Variants in LMNB2 observed in about 807,000 individuals in gnomAD.
The protein encoded by LMNB2 is lamin B2.
LMNB2 carries 17 observed loss-of-function variants against 69.3 expected under a neutral mutation model. That is an observed-to-expected ratio of 0.25 (90% CI 0.17 to 0.37). The LOEUF is 0.37. Ranked by LOEUF, LMNB2 falls within the 10% of genes least tolerant of loss-of-function variation. The probability of loss-of-function intolerance (pLI) is 1.00; values close to 1 mark genes in which losing one functional copy is unlikely to be tolerated. For missense variants in LMNB2, 789 were observed against 883.6 expected (o/e 0.89, Z 1.36); for synonymous variants, 397 against 389.3 (o/e 1.02, Z -0.23).
rs80322155 is a variant in LMNB2 at position 2,443,492 on chromosome 19, C to T, written c.401+912G>A. ...TGCTGTCACCCCCGTACCAGGTGGC[C>T]GAGGTGCCACCCCTCCTGCCAGCAG... On this transcript the variant is annotated intron_variant, in intron 2 of 11. Coordinates refer to ENST00000325327, the MANE Select transcript of LMNB2 (RefSeq NM_032737.4). The surrounding 1 kb of genome is among the most constrained non-coding windows in gnomAD (Gnocchi z 6.2). Among the ~76,000 whole-genome samples, 2,030 of 146,760 alleles carry T rather than the reference C, an allele frequency of 0.014. 41 individuals carry two copies. Among genetic ancestry groups the T allele is most frequent in the African/African-American group, 0.042 (1,667 of 39,606 alleles).
At chr19:2,437,572 G>A (rs148992119) in intron 4 of LMNB2, among the ~76,000 whole-genome samples, 258 of 152,314 alleles carry the variant, frequency 1.7e-3, no homozygotes, top group Non-Finnish European at 2.3e-3. Context: ...AGGCCGAGGC[G>A]GATGAAGCAC....
intron 9 of LMNB2, 92 bp downstream of exon 9, chr19:2,432,321 CCCA>C: frequency 2.3e-6 from 2 of 873,472 alleles, no homozygotes; most frequent in African/African-American, 3.3e-5. Context: ...CACCATCATC[CCCA>C]CCCACCCCCG....
At position 2,428,292 on chromosome 19, in the gene LMNB2, A is replaced by G. The variant is rs1431213063; in HGVS notation, c.*2619T>C. The G allele has an allele frequency of 1.3e-5, 2 of 152,254 alleles. No individual in the cohort carries two copies. The highest frequency in any genetic ancestry group is 4.8e-5 in the African/African-American group (2 of 41,460). The allele number at this position is 152,254 out of a possible 1,614,324, so 9.4% of individuals were successfully genotyped here. On this transcript the variant is annotated 3_prime_UTR_variant, in exon 12 of 12. Coordinates refer to ENST00000325327, the MANE Select transcript of LMNB2 (RefSeq NM_032737.4). ...TCTTCTTAAAAACCGAATCTCTGAA[A>G]TGAAAGTCCATGCCAGCCCCAGCTG...
intron 7 of LMNB2, 37 bp from the exon 8 acceptor site, chr19:2,434,142 G>C: frequency 1.3e-6 from 2 of 1,563,636 alleles, no homozygotes; most frequent in Non-Finnish European, 1.7e-6. Flanking sequence ...CTGGTAGTGG[G>C]AGCCCCAGAC....
At chr19:2,431,127 A>AT (rs199935188) in intron 11 of LMNB2, among the ~76,000 whole-genome samples, 175 bp from the exon 12 acceptor site, 7,259 of 152,292 alleles carry the variant, frequency 0.048, 346 homozygotes, top group East Asian at 0.26. Context: ...TGAGCTACAC[A>AT]TTCTGTTCTG....
In LMNB2 at chr19:2,432,382, G is replaced by A. The variant is rs200804214; in HGVS notation, c.1590+34C>T. On this transcript the variant is annotated intron_variant, in intron 9 of 11. Coordinates refer to ENST00000325327, the MANE Select transcript of LMNB2 (RefSeq NM_032737.4). ...CCTGACCCCACCTCACACCCCATCC[G>A]TGGCCACCCTCGCCCTCCTGCCCCA... is the stretch of plus-strand genomic sequence containing the variant. 111 of 959,876 alleles carry A rather than the reference G, an allele frequency of 1.2e-4. No homozygotes were observed. In the African/African-American group the frequency reaches 1.6e-3, roughly 14 times the overall value. The allele number at this position is 959,876 out of a possible 1,614,324, so 59.5% of individuals were successfully genotyped here. A position where few individuals can be genotyped will look rare whatever the true frequency, so the allele number is the denominator to read the frequency against.
intron 1 of LMNB2, among the ~76,000 whole-genome samples, chr19:2,448,491 T>C (rs1411442200): frequency 6.6e-6 from 1 of 152,170 alleles, no homozygotes; most frequent in African/African-American, 2.4e-5. Context: ...AACTCTGCAA[T>C]GGCAGCCACA....
chr19:2,454,909 CAG>C (rs1282432959), intron 1 of LMNB2, among the ~76,000 whole-genome samples: 1 of 152,122 alleles, frequency 6.6e-6, no homozygotes, highest in Non-Finnish European at 1.5e-5. Flanking sequence ...CCTTGGTGGG[CAG>C]ACTTTCCCGC....
chr19:2,432,574 G>A (rs369244558), intron 8 of LMNB2, 51 bp from the exon 9 acceptor site: 45 of 1,443,786 alleles, frequency 3.1e-5, no homozygotes, highest in Middle Eastern at 3.5e-4. Context: ...CTGTGACACC[G>A]CCCCCATCGC....
intron 6 of LMNB2, 113 bp downstream of exon 6, chr19:2,434,675 C>G: frequency 6.6e-7 from 1 of 1,509,608 alleles, no homozygotes; most frequent in Non-Finnish European, 8.9e-7. Flanking sequence ...TCGCTGGGCG[C>G]CCCGAGGGCT....
At position 2,428,789 on chromosome 19, in the gene LMNB2, G is replaced by C. The variant is rs1168828394; in HGVS notation, c.*2122C>G. On this transcript the variant is annotated 3_prime_UTR_variant, in exon 12 of 12. Transcript: ENST00000325327. ...GGCCATAAATAACTTTTAAAAATTT[G>C]ATTTTCTTAGTGTTTCCAAAGACTC... is the stretch of plus-strand genomic sequence containing the variant. 1 of 152,204 alleles carries C rather than the reference G, an allele frequency of 6.6e-6. No homozygotes were observed. Among genetic ancestry groups the C allele is most frequent in the Non-Finnish European group, 1.5e-5 (1 of 68,034 alleles). 9.4% of individuals were successfully genotyped at this position (152,204 alleles called of 1,614,324 possible).
At chr19:2,451,792 C>T (rs536227023) in intron 1 of LMNB2, among the ~76,000 whole-genome samples, 8 of 152,208 alleles carry the variant, frequency 5.3e-5, no homozygotes, top group Admixed American at 2.6e-4. Context: ...CAAAATGGCC[C>T]GGCTAAGAAC....
In LMNB2 at chr19:2,431,780, C is replaced by T. The variant is rs1384087877; in HGVS notation, c.1710+3G>A. ...GAGCACCCCCCAAGCCACACACACC[C>T]ACCTCGCCATCCGCGTTAACCAGGA... is the stretch of plus-strand genomic sequence containing the variant. On this transcript the variant is annotated splice_donor_region_variant and intron_variant, in intron 10 of 11. Transcript: ENST00000325327. 6.2e-7 allele frequency: 1 copy of T among 1,613,894 alleles called. No individual in the cohort carries two copies. The highest frequency in any genetic ancestry group is 8.5e-7 in the Non-Finnish European group (1 of 1,179,908).
intron 2 of LMNB2, among the ~76,000 whole-genome samples, chr19:2,442,472 G>C (rs1856923368): frequency 6.6e-6 from 1 of 152,178 alleles, no homozygotes; most frequent in East Asian, 1.9e-4. Flanking sequence ...AGGAGGCTGA[G>C]GCAGGAGAAT....
Position 2,450,113 on chromosome 19 carries a change from T to C in LMNB2, c.265-5573A>G, listed in dbSNP as rs76789319. On this transcript the variant is annotated intron_variant, in intron 1 of 11. Coordinates refer to ENST00000325327, the MANE Select transcript of LMNB2 (RefSeq NM_032737.4). ...TAAAATACATATACATATACATATA[T>C]ATATACACATATATATATATATTCC... Among the ~76,000 whole-genome samples the C allele has an allele frequency of 3.6e-3, 383 of 106,676 alleles. 1 individual carries two copies. Among genetic ancestry groups the C allele is most frequent in the East Asian group, 0.02 (52 of 2,602 alleles). The allele number at this position is 106,676 out of a possible 152,430, so 70.0% of individuals were successfully genotyped here.
At chr19:2,454,196 G>A (rs1308471884) in intron 1 of LMNB2, among the ~76,000 whole-genome samples, 3 of 151,734 alleles carry the variant, frequency 2.0e-5, no homozygotes, top group African/African-American at 7.3e-5. Flanking sequence ...GGGAGACGGG[G>A]GCAGGAGAAT....
chr19:2,434,415 G>A lies in LMNB2; in HGVS notation c.1082C>T (p.Thr361Met), dbSNP rs148473288. The A allele has an allele frequency of 8.1e-6, 13 of 1,613,350 alleles. No individual in the cohort carries two copies. Among genetic ancestry groups the A allele is most frequent in the Admixed American group, 6.7e-5 (4 of 60,004 alleles). ...KMLDAKEQEMTEMRDVMQQQL... is the reference protein window; with the variant it reads ...KMLDAKEQEMMEMRDVMQQQL... ...CTGCTGCATCACGTCCCGCATCTCC[G>A]TCATCTCCTGCTCCTTGGCGTCCAG... Residue 361 changes from threonine to methionine, a missense_variant, in exon 7 of 12, where the codon ACG becomes ATG. Around this residue, in one of 3 missense-constraint regions of LMNB2, gnomAD observed 609 missense variants for 630.9 expected, o/e 0.97. Coordinates refer to ENST00000325327, the MANE Select transcript of LMNB2 (RefSeq NM_032737.4).
In LMNB2 at chr19:2,443,246, G is replaced by C. The variant is rs181589820; in HGVS notation, c.401+1158C>G. Among the ~76,000 whole-genome samples the C allele has an allele frequency of 2.4e-3, 360 of 152,314 alleles. 2 individuals carry two copies. The highest frequency in any genetic ancestry group is 3.0e-3 in the Non-Finnish European group (204 of 68,014). ...CTCCTGGAGCCCCAGGCCCCGGGCAGGCGGGCGGTGGTCCCTGGGCTGACC... is the reference window on the plus strand; with the variant it reads ...CTCCTGGAGCCCCAGGCCCCGGGCACGCGGGCGGTGGTCCCTGGGCTGACC... On this transcript the variant is annotated intron_variant, in intron 2 of 11. Transcript: ENST00000325327. The surrounding 1 kb of genome is among the most constrained non-coding windows in gnomAD (Gnocchi z 6.2).
At position 2,435,185 on chromosome 19, in the gene LMNB2, C is replaced by G; in HGVS notation, c.685-14G>C. 1.9e-6 allele frequency: 3 copies of G among 1,599,414 alleles called. No homozygotes were observed. Among genetic ancestry groups the G allele is most frequent in the Non-Finnish European group, 2.5e-6 (3 of 1,179,292 alleles). On this transcript the variant is annotated splice_polypyrimidine_tract_variant and intron_variant, in intron 4 of 11. Coordinates refer to ENST00000325327, the MANE Select transcript of LMNB2 (RefSeq NM_032737.4). ...CTCCCGCACCTCCTGCGGACCAAGG[C>G]TTCGTGACCCTCTGGTCCCGCCTGG...
Sources: allele counts gnomAD v4.1 joint callset (sites outside exome capture counted in the v4.1 genomes callset), GRCh38; gene constraint gnomAD v4.1.1; regional missense constraint gnomAD v4.1.1; non-coding constraint Gnocchi (gnomAD v3.1); transcripts MANE v1.5; gene names NCBI Gene and HGNC (gene_info 2026-07-23, HGNC 2026-07-21).